The following FAM135B variants were observed in gnomAD, a reference collection of about 807,000 sequenced individuals.
FAM135B encodes protein FAM135B.
Under a neutral mutation model 127.7 loss-of-function variants are expected in FAM135B, and 43 were observed. The ratio of observed to expected loss-of-function variants is 0.34; its 90% CI spans 0.26 to 0.43. FAM135B has a LOEUF of 0.43. FAM135B is among the 20% of genes least tolerant of loss of function. FAM135B has a pLI of 1.00. For missense variants in FAM135B, 1,558 were observed against 1,725.6 expected (o/e 0.90, Z 1.72); for synonymous variants, 670 against 665.1 (o/e 1.01, Z -0.11).
chr8:138,320,252 C>T (rs1827361630), intron 2 of FAM135B, among the ~76,000 whole-genome samples: 1 of 152,152 alleles, frequency 6.6e-6, no homozygotes, highest in African/African-American at 2.4e-5. Context: ...ATGACAAAAC[C>T]AACAGATGGG....
chr8:138,295,794 G>A (rs893827339), intron 3 of FAM135B, among the ~76,000 whole-genome samples: 4 of 152,198 alleles, frequency 2.6e-5, no homozygotes, highest in Non-Finnish European at 5.9e-5. Context: ...GTCTTTTAAA[G>A]CAAGATTATT....
chr8:138,151,140 G>T (rs2130718318), intron 13 of FAM135B, 54 bp downstream of exon 13: 2 of 1,368,026 alleles, frequency 1.5e-6, no homozygotes, highest in Non-Finnish European at 2.0e-6. Context: ...GGAGAAATAT[G>T]TGGAAAAATC....
intron 12 of FAM135B, among the ~76,000 whole-genome samples, chr8:138,165,836 A>T (rs1424720342): frequency 6.6e-6 from 1 of 152,204 alleles, no homozygotes; most frequent in Non-Finnish European, 1.5e-5. Context: ...TGTACACTTT[A>T]TAACTGCCAT....
intron 6 of FAM135B, among the ~76,000 whole-genome samples, chr8:138,244,057 C>T (rs1363559850): frequency 6.6e-6 from 1 of 152,068 alleles, no homozygotes; most frequent in Non-Finnish European, 1.5e-5. Flanking sequence ...CAGGTTCCTG[C>T]TTAAAATATT....
chr8:138,161,747 T>C (rs1202315460), intron 12 of FAM135B, among the ~76,000 whole-genome samples: 2 of 152,216 alleles, frequency 1.3e-5, no homozygotes, highest in African/African-American at 4.8e-5. Flanking sequence ...GTGAACAAAC[T>C]TGCCTCTCTC....
intron 14 of FAM135B, among the ~76,000 whole-genome samples, chr8:138,146,597 G>T (rs1225967859): frequency 6.6e-6 from 1 of 152,086 alleles, no homozygotes; most frequent in Non-Finnish European, 1.5e-5. Flanking sequence ...CTCTACGGAG[G>T]CACAGCAGTG....
chr8:138,221,830 T>G (rs939180990), intron 7 of FAM135B, among the ~76,000 whole-genome samples: 2 of 152,164 alleles, frequency 1.3e-5, no homozygotes, highest in Admixed American at 6.5e-5. Flanking sequence ...AAAGAATGCA[T>G]ATGTATATAT....
chr8:138,405,468 G>C (rs946997404), intron 1 of FAM135B, among the ~76,000 whole-genome samples: 3 of 149,246 alleles, frequency 2.0e-5, no homozygotes, highest in Non-Finnish European at 4.4e-5. Flanking sequence ...GCGGTGTTTG[G>C]TTTTCTGTCC....
At chr8:138,290,554 C>A (rs952578136) in intron 3 of FAM135B, among the ~76,000 whole-genome samples, 7 of 152,222 alleles carry the variant, frequency 4.6e-5, no homozygotes, top group South Asian at 4.1e-4. Context: ...GGAAAGACCC[C>A]ACTTGAGAAA....
chr8:138,369,506 G>C (rs1014923715), intron 1 of FAM135B, among the ~76,000 whole-genome samples: 2 of 152,144 alleles, frequency 1.3e-5, no homozygotes, highest in South Asian at 4.1e-4. Context: ...AGATTCAGAA[G>C]GCTGCATACC....
rs143736865 is a variant in FAM135B, at chr8:138,405,460, G to A, written c.-19-37458C>T. 7.3e-3 allele frequency among the ~76,000 whole-genome samples: 1,078 copies of A among 148,570 alleles called. 10 individuals carry two copies. Among genetic ancestry groups the A allele is most frequent in the Non-Finnish European group, 0.01 (698 of 67,556 alleles). On this transcript the variant is annotated intron_variant, in intron 1 of 19. Transcript: ENST00000395297. ...TTCCCACCTATGAGTGAGAACATGC[G>A]GTGTTTGGTTTTCTGTCCTTCCGAT...
chr8:138,478,331 A>G lies in FAM135B; in HGVS notation c.-20+18340T>C, dbSNP rs78906124. ...GCAAAGGTTCTTCTCTGTCCTTGGA[A>G]TGCCTTTTTCCCCATGAGCTTCACC... On this transcript the variant is annotated intron_variant, in intron 1 of 19. Coordinates refer to ENST00000395297, the MANE Select transcript of FAM135B (RefSeq NM_015912.4). Among the ~76,000 whole-genome samples the G allele has an allele frequency of 9.2e-3, 1,402 of 152,204 alleles. 21 individuals carry two copies. Among genetic ancestry groups the G allele is most frequent in the African/African-American group, 0.032 (1,321 of 41,522 alleles).
intron 4 of FAM135B, among the ~76,000 whole-genome samples, chr8:138,257,269 C>T (rs528737235): frequency 1.3e-3 from 200 of 152,278 alleles, no homozygotes; most frequent in Admixed American, 3.1e-3. Context: ...GGAAAGTGGT[C>T]ACTTCTTCAG....
intron 1 of FAM135B, among the ~76,000 whole-genome samples, chr8:138,468,916 A>G (rs1002189775): frequency 6.6e-6 from 1 of 152,088 alleles, no homozygotes; most frequent in Non-Finnish European, 1.5e-5. Context: ...ATGGTGGCGC[A>G]TGCCTGTAAT....
At chr8:138,300,941 G>A (rs1351155258) in intron 3 of FAM135B, among the ~76,000 whole-genome samples, 5 of 151,792 alleles carry the variant, frequency 3.3e-5, no homozygotes, top group African/African-American at 9.7e-5. Context: ...TAGTAAGGGC[G>A]GGGTTTCACC....
intron 12 of FAM135B, among the ~76,000 whole-genome samples, chr8:138,154,903 T>C (rs1269057809): frequency 1.3e-5 from 2 of 152,142 alleles, no homozygotes; most frequent in Non-Finnish European, 2.9e-5. Context: ...TTCCCCAACC[T>C]AACAAGGCAG....
At position 138,497,209 on chromosome 8, in the gene FAM135B, G is replaced by A. The variant is rs1191780207; in HGVS notation, c.-558C>T. ...CGGGAGAGCCCGCCCTGCTGCTCCC[G>A]CTGGCTCCGCTCCGCAGCCGCTGCG... On this transcript the variant is annotated 5_prime_UTR_variant, in exon 1 of 20. Coordinates refer to ENST00000395297, the MANE Select transcript of FAM135B (RefSeq NM_015912.4). 4.0e-5 allele frequency among the ~76,000 whole-genome samples: 6 copies of A among 150,962 alleles called. No individual in the cohort carries two copies. Among genetic ancestry groups the A allele is most frequent in the Non-Finnish European group, 8.9e-5 (6 of 67,646 alleles).
chr8:138,446,078 C>G (rs182898571), intron 1 of FAM135B, among the ~76,000 whole-genome samples: 161 of 152,178 alleles, frequency 1.1e-3, no homozygotes, highest in African/African-American at 3.8e-3. Flanking sequence ...AATAAAATAC[C>G]TAGGAATCCA....
At chr8:138,301,019 G>A (rs1587008605) in intron 3 of FAM135B, among the ~76,000 whole-genome samples, 1 of 151,958 alleles carries the variant, frequency 6.6e-6, no homozygotes, top group East Asian at 1.9e-4. Context: ...CAAAGTGCTG[G>A]GATTAAGGCA....
Sources: allele counts gnomAD v4.1 joint callset (sites outside exome capture counted in the v4.1 genomes callset), GRCh38; gene constraint gnomAD v4.1.1; transcripts MANE v1.5; gene names NCBI Gene and HGNC (gene_info 2026-07-23, HGNC 2026-07-21).